The following NETO2 variants were observed in gnomAD, a reference collection of about 807,000 sequenced individuals.
NETO2 encodes neuropilin and tolloid like 2, also known as neuropilin and tolloid-like protein 2.
In NETO2, 28 loss-of-function variants were observed where a neutral mutation model predicts 62.5. That is an observed-to-expected ratio of 0.45 (90% CI 0.33 to 0.61). The LOEUF is 0.61. Among genes scored for constraint, NETO2 ranks in the 20% least tolerant of loss-of-function variants. The pLI, the probability that NETO2 is intolerant of heterozygous loss-of-function variation, is 0.02. For missense variants in NETO2, 548 were observed against 643.2 expected, an observed-to-expected ratio of 0.85 and a Z score of 1.60; for synonymous variants, 214 against 219.1, an observed-to-expected ratio of 0.98 and a Z score of 0.21.
chr16:47,143,516 A>G, intron 1 of NETO2, 63 bp downstream of exon 1: 1 of 1,214,458 alleles, frequency 8.2e-7, no homozygotes. Flanking sequence ...AGGCGCGGGC[A>G]GGGCGGCGCG....
At chr16:47,107,950 A>T (rs1963708324) in intron 7 of NETO2, among the ~76,000 whole-genome samples, 1 of 151,858 alleles carries the variant, frequency 6.6e-6, no homozygotes, top group South Asian at 2.1e-4. Context: ...TAATTTTTGT[A>T]TTTTTAGTAG....
Position 47,120,109 on chromosome 16 carries a change from T to G in NETO2, c.654+2548A>C, listed in dbSNP as rs570382217. The stretch of plus-strand genomic sequence containing the variant: ...ATGTTATGGATCTGTCAATTTTCCT[T>G]GACAATCAACAACCTGTTTTGTGCA... On this transcript the variant is annotated intron_variant, in intron 6 of 8. Transcript: ENST00000562435. Among the ~76,000 whole-genome samples, 5 of 152,376 alleles carry G rather than the reference T, an allele frequency of 3.3e-5. No individual in the cohort carries two copies. The South Asian group carries it at 8.3e-4, about 25-fold the overall frequency.
rs991072197 is a variant in NETO2, at chr16:47,080,795, T to C, written c.*2426A>G. 2.6e-5 allele frequency: 4 copies of C among 152,180 alleles called. No homozygotes were observed. The highest frequency in any genetic ancestry group is 9.7e-5 in the African/African-American group (4 of 41,430). The allele number at this position is 152,180 out of a possible 1,614,324, so 9.4% of individuals were successfully genotyped here. A position where few individuals can be genotyped will look rare whatever the true frequency, so the allele number is the denominator to read the frequency against. On this transcript the variant is annotated 3_prime_UTR_variant, in exon 9 of 9. Coordinates refer to ENST00000562435, the MANE Select transcript of NETO2 (RefSeq NM_018092.5). ...TGGGTTAAGAAGCACCATTATAACC[T>C]CTGTCTCCATTTTGCATCTTTTTTA...
intron 6 of NETO2, among the ~76,000 whole-genome samples, chr16:47,114,683 C>A (rs1370171442): frequency 6.6e-6 from 1 of 151,776 alleles, no homozygotes; most frequent in East Asian, 1.9e-4. Context: ...ATTTCCCGAC[C>A]TCGAGATCCG....
chr16:47,086,151 A>G (rs1252426721), intron 8 of NETO2, 75 bp downstream of exon 8: 2 of 875,172 alleles, frequency 2.3e-6, no homozygotes, highest in African/African-American at 1.6e-5. Flanking sequence ...GTTGTAGAAA[A>G]TAACATTTTA....
chr16:47,107,132 C>T (rs1963693500), intron 7 of NETO2, among the ~76,000 whole-genome samples: 1 of 152,140 alleles, frequency 6.6e-6, no homozygotes, highest in South Asian at 2.1e-4. Flanking sequence ...TAATGCTGTC[C>T]TTCACATAAG....
chr16:47,122,642 A>T lies in NETO2; in HGVS notation c.654+15T>A, dbSNP rs1596736285. On this transcript the variant is annotated intron_variant, in intron 6 of 8. Transcript: ENST00000562435. The stretch of plus-strand genomic sequence containing the variant: ...ATGATGTTCTTCTCTGAAGCGACTC[A>T]ATACATAATAATACCTTAGCTTTTG... The T allele has an allele frequency of 6.2e-7, 1 of 1,609,664 alleles. No individual in the cohort carries two copies. Among genetic ancestry groups the T allele is most frequent in the Non-Finnish European group, 8.5e-7 (1 of 1,178,934 alleles).
rs528013185 is a variant in NETO2, at chr16:47,082,144, A to T, written c.*1077T>A. 2.0e-5 allele frequency: 3 copies of T among 152,598 alleles called. No individual in the cohort carries two copies. Among genetic ancestry groups the T allele is most frequent in the South Asian group, 4.1e-4 (2 of 4,822 alleles). The allele number at this position is 152,598 out of a possible 1,614,324, so 9.5% of individuals were successfully genotyped here. On this transcript the variant is annotated 3_prime_UTR_variant, in exon 9 of 9. Coordinates refer to ENST00000562435, the MANE Select transcript of NETO2 (RefSeq NM_018092.5). ...ATAAAAAAAGTCAAAAGTGCAGTTT[A>T]AAAAAAAGTGGAAGTTGTTATTCTT...
At position 47,081,400 on chromosome 16, in the gene NETO2, A is replaced by G. The variant is rs185384403; in HGVS notation, c.*1821T>C. ...TCAAGTCTTTTCATGTTTCCACGTT[A>G]TATTTTTAAAACAAGAAACTAGGCT... On this transcript the variant is annotated 3_prime_UTR_variant, in exon 9 of 9. Transcript: ENST00000562435. The G allele has an allele frequency of 6.6e-6, 1 of 152,406 alleles. No individual in the cohort carries two copies. The highest frequency in any genetic ancestry group is 2.4e-5 in the African/African-American group (1 of 41,574). 9.4% of individuals were successfully genotyped at this position (152,406 alleles called of 1,614,324 possible).
At chr16:47,108,536 C>T (rs1963720006) in intron 7 of NETO2, among the ~76,000 whole-genome samples, 1 of 152,252 alleles carries the variant, frequency 6.6e-6, no homozygotes, top group East Asian at 1.9e-4. Context: ...AATACACAGC[C>T]TCAATGGAAT....
rs182429477 is a variant in NETO2 at position 47,131,455 on chromosome 16, T to C, written c.91+514A>G. ...TCCTAATTAACTTTTTAGGAATGCT[T>C]TGATTTTTATCATGTGTATGTATTA... On this transcript the variant is annotated intron_variant, in intron 2 of 8. Transcript: ENST00000562435. Among the ~76,000 whole-genome samples, 54 of 152,294 alleles carry C rather than the reference T, an allele frequency of 3.5e-4. No individual in the cohort carries two copies. In the East Asian group the frequency reaches 4.8e-3, roughly 14 times the overall value.
chr16:47,121,456 G>A lies in NETO2; in HGVS notation c.654+1201C>T, dbSNP rs530001239. 5.3e-5 allele frequency among the ~76,000 whole-genome samples: 8 copies of A among 152,308 alleles called. No individual in the cohort carries two copies. The South Asian group carries it at 1.2e-3, about 24-fold the overall frequency. On this transcript the variant is annotated intron_variant, in intron 6 of 8. Coordinates refer to ENST00000562435, the MANE Select transcript of NETO2 (RefSeq NM_018092.5). The stretch of plus-strand genomic sequence containing the variant: ...GACTTCATGACTCCTGGGTTGAGCA[G>A]GGAATGTAAATTCATTTCTCAAACC...
At position 47,125,760 on chromosome 16, in the gene NETO2, A is replaced by G. The variant is rs560686807; in HGVS notation, c.481+2565T>C. 6.0e-4 allele frequency among the ~76,000 whole-genome samples: 91 copies of G among 152,136 alleles called. 1 individual carries two copies. Among genetic ancestry groups the G allele is most frequent in the Middle Eastern group, 3.4e-3 (1 of 292 alleles). On this transcript the variant is annotated intron_variant, in intron 4 of 8. Transcript: ENST00000562435. Reference sequence around the variant, plus strand: ...GGCTGGAGTGCAGTGGTGTGATCATAGCTCACTATAACTTTGAACTTCTGG... The same window carrying G: ...GGCTGGAGTGCAGTGGTGTGATCATGGCTCACTATAACTTTGAACTTCTGG...
At chr16:47,119,904 G>A (rs969384399) in intron 6 of NETO2, among the ~76,000 whole-genome samples, 3 of 152,146 alleles carry the variant, frequency 2.0e-5, no homozygotes, top group African/African-American at 4.8e-5. Flanking sequence ...AGCTGAGCAC[G>A]TGTATCTGTT....
chr16:47,128,290 A>G (rs762517899), intron 4 of NETO2, 35 bp downstream of exon 4: 1 of 1,592,972 alleles, frequency 6.3e-7, no homozygotes, highest in East Asian at 2.2e-5. Flanking sequence ...TTAGAGTGAG[A>G]TGCCCAACCA....
At chr16:47,136,123 T>G (rs1195809144) in intron 1 of NETO2, among the ~76,000 whole-genome samples, 1 of 152,208 alleles carries the variant, frequency 6.6e-6, no homozygotes, top group East Asian at 1.9e-4. Context: ...TCTTGAAGAC[T>G]TTGTTATACT....
intron 8 of NETO2, 35 bp from the exon 9 acceptor site, chr16:47,083,836 A>T: frequency 6.8e-7 from 1 of 1,461,962 alleles, no homozygotes; most frequent in Non-Finnish European, 9.3e-7. Flanking sequence ...TAAGTTTTCA[A>T]AATACATTAA....
At chr16:47,136,853 GAA>G (rs201342744) in intron 1 of NETO2, among the ~76,000 whole-genome samples, 1 of 151,280 alleles carries the variant, frequency 6.6e-6, no homozygotes, top group South Asian at 2.1e-4. Context: ...ACTAGATTGG[GAA>G]AAAAAAGGTG....
intron 2 of NETO2, among the ~76,000 whole-genome samples, chr16:47,129,898 T>C (rs1439234187): frequency 1.3e-5 from 2 of 152,184 alleles, no homozygotes; most frequent in African/African-American, 4.8e-5. Context: ...GATATAGCAG[T>C]AACAACTGGC....
Sources: gnomAD v4.1 joint callset for allele counts (sites outside exome capture counted in the v4.1 genomes callset) on GRCh38, gnomAD v4.1.1 for gene constraint, MANE v1.5 for transcripts, NCBI Gene and HGNC (gene_info 2026-07-23, HGNC 2026-07-21) for gene names.